FHOD3: variants seen among roughly 807,000 people sequenced by gnomAD.
FHOD3 encodes formin homology 2 domain containing 3, also known as FH1/FH2 domain-containing protein 3.
FHOD3 carries 90 observed loss-of-function variants against 173.0 expected under a neutral mutation model. The observed-to-expected ratio is 0.52, with a 90% CI of 0.44 to 0.62. The LOEUF is 0.62. FHOD3 is among the 20% of genes least tolerant of loss of function. The probability of loss-of-function intolerance (pLI) is 0.00; values close to 1 mark genes in which losing one functional copy is unlikely to be tolerated. For missense variants in FHOD3, 1,945 were observed against 2,034.7 expected, an observed-to-expected ratio of 0.96 and a Z score of 0.85; for synonymous variants, 828 against 823.0, an observed-to-expected ratio of 1.01 and a Z score of -0.10.
At chr18:36,533,256 A>G (rs2056860719) in intron 5 of FHOD3, among the ~76,000 whole-genome samples, 2 of 152,226 alleles carry the variant, frequency 1.3e-5, no homozygotes, top group Non-Finnish European at 2.9e-5. Context: ...AGTTTGGTGT[A>G]GTGTTAAATA....
chr18:36,576,145 T>G (rs1213399671), intron 5 of FHOD3, among the ~76,000 whole-genome samples: 1 of 152,226 alleles, frequency 6.6e-6, no homozygotes, highest in African/African-American at 2.4e-5. Flanking sequence ...TGTCTGGGAC[T>G]ACACACAGAT....
intron 10 of FHOD3, among the ~76,000 whole-genome samples, chr18:36,644,874 C>T (rs1357889032): frequency 6.6e-6 from 1 of 152,198 alleles, no homozygotes; most frequent in Non-Finnish European, 1.5e-5. Flanking sequence ...ACCTCTCCAG[C>T]TCTACCTGGG....
At chr18:36,724,554 T>G (rs567592461) in intron 19 of FHOD3, among the ~76,000 whole-genome samples, 7 of 152,300 alleles carry the variant, frequency 4.6e-5, no homozygotes, top group Admixed American at 6.5e-5. Flanking sequence ...CTCACCTGCA[T>G]CTTCCTAGAA....
intron 3 of FHOD3, among the ~76,000 whole-genome samples, chr18:36,500,980 G>A (rs577330815): frequency 3.9e-4 from 60 of 152,252 alleles, no homozygotes; most frequent in African/African-American, 8.7e-4. Context: ...GACTCCCTCC[G>A]GTGTGTCTTC....
At chr18:36,724,131 C>G (rs532883227) in intron 19 of FHOD3, among the ~76,000 whole-genome samples, 1 of 152,212 alleles carries the variant, frequency 6.6e-6, no homozygotes, top group African/African-American at 2.4e-5. Context: ...TTGTTCTATC[C>G]GAAAGCCTGA....
chr18:36,594,632 C>T (rs1215379469), intron 6 of FHOD3, among the ~76,000 whole-genome samples, 155 bp from the exon 7 acceptor site: 1 of 152,030 alleles, frequency 6.6e-6, no homozygotes, highest in Non-Finnish European at 1.5e-5. Context: ...TCTGAGGTGT[C>T]TAATGAGGGA....
chr18:36,693,898 G>A (rs746899113), intron 17 of FHOD3, among the ~76,000 whole-genome samples: 3 of 152,102 alleles, frequency 2.0e-5, no homozygotes, highest in Admixed American at 6.6e-5. Flanking sequence ...TATGGAAGAA[G>A]GAAAATAATT....
rs1202323755 is a variant in FHOD3, at chr18:36,744,014, T to C, written c.3880-18T>C. The C allele has an allele frequency of 2.5e-6, 4 of 1,613,808 alleles. No homozygotes were observed. Among genetic ancestry groups the C allele is most frequent in the Non-Finnish European group, 3.4e-6 (4 of 1,179,932 alleles). Reference sequence around the variant, plus strand: ...GAGCCTGCTTGAAACATGTCTTTTATTGATGTTTGCAAAACAGGCCAAAGC... The same window carrying C: ...GAGCCTGCTTGAAACATGTCTTTTACTGATGTTTGCAAAACAGGCCAAAGC... On this transcript the variant is annotated intron_variant, in intron 22 of 28. Coordinates refer to ENST00000590592, the MANE Select transcript of FHOD3 (RefSeq NM_001281740.3).
At chr18:36,486,248 A>G (rs1272064990) in intron 3 of FHOD3, among the ~76,000 whole-genome samples, 3 of 152,118 alleles carry the variant, frequency 2.0e-5, no homozygotes, top group African/African-American at 7.2e-5. Context: ...GTCACAACAT[A>G]TGGGGGCTAC....
intron 14 of FHOD3, among the ~76,000 whole-genome samples, chr18:36,664,602 G>C (rs1174852981): frequency 6.6e-6 from 1 of 152,062 alleles, no homozygotes; most frequent in East Asian, 1.9e-4. Context: ...GTGGGACTGT[G>C]GGTCCTCAGC....
chr18:36,685,314 C>T (rs554712205), intron 15 of FHOD3, among the ~76,000 whole-genome samples: 1 of 152,212 alleles, frequency 6.6e-6, no homozygotes, highest in Non-Finnish European at 1.5e-5. Flanking sequence ...TGCTAATCAA[C>T]CGTAGGCAAC....
intron 1 of FHOD3, among the ~76,000 whole-genome samples, chr18:36,341,104 A>C (rs1367379584): frequency 6.6e-6 from 1 of 152,176 alleles, no homozygotes; most frequent in East Asian, 1.9e-4. Context: ...ATCTTAGGCA[A>C]GTTATTTGGC....
At chr18:36,454,133 G>A (rs2052025391) in intron 3 of FHOD3, among the ~76,000 whole-genome samples, 1 of 152,122 alleles carries the variant, frequency 6.6e-6, no homozygotes, top group Non-Finnish European at 1.5e-5. Flanking sequence ...TAAGCAGGCA[G>A]CTCTCACCTT....
At chr18:36,729,724 C>T (rs1418797681) in intron 19 of FHOD3, among the ~76,000 whole-genome samples, 4 of 152,214 alleles carry the variant, frequency 2.6e-5, no homozygotes, top group Non-Finnish European at 1.5e-5. Flanking sequence ...TCTCTAAAGG[C>T]CCTACCTCCA....
Position 36,762,846 on chromosome 18 carries a change from AATC to A in FHOD3, c.4624+2067_4624+2069del, listed in dbSNP as rs1417387995. Among the ~76,000 whole-genome samples the A allele has an allele frequency of 1.8e-4, 27 of 148,064 alleles. No individual in the cohort carries two copies. In the South Asian group the frequency reaches 4.8e-3, roughly 26 times the overall value. The stretch of plus-strand genomic sequence containing the variant: ...TATTTTATATATATTATAAATATAT[AATC>A]ATATATATTATATACATAATATATA... On this transcript the variant is annotated intron_variant, in intron 27 of 28. Coordinates refer to ENST00000590592, the MANE Select transcript of FHOD3 (RefSeq NM_001281740.3).
At chr18:36,317,485 G>C (rs924209065) in intron 1 of FHOD3, among the ~76,000 whole-genome samples, 1 of 152,188 alleles carries the variant, frequency 6.6e-6, no homozygotes, top group Non-Finnish European at 1.5e-5. Context: ...GTGATGATGA[G>C]CATTTTTTCA....
At chr18:36,351,340 T>C (rs768569572) in intron 1 of FHOD3, among the ~76,000 whole-genome samples, 1 of 152,294 alleles carries the variant, frequency 6.6e-6, no homozygotes, top group African/African-American at 2.4e-5. Context: ...TAGGAGGTAA[T>C]GGCAGCCTCT....
chr18:36,303,484 A>T (rs1940768714), intron 1 of FHOD3, among the ~76,000 whole-genome samples: 2 of 151,672 alleles, frequency 1.3e-5, no homozygotes, highest in African/African-American at 2.4e-5. Flanking sequence ...TTGTCCTCGG[A>T]CTCCAACCTG....
intron 6 of FHOD3, among the ~76,000 whole-genome samples, chr18:36,582,790 A>ATATT (rs1421770467): frequency 6.6e-6 from 1 of 152,236 alleles, no homozygotes; most frequent in Non-Finnish European, 1.5e-5. Flanking sequence ...CACCTCTGAT[A>ATATT]TATTACATCT....
Sources: gnomAD v4.1 joint callset for allele counts (sites outside exome capture counted in the v4.1 genomes callset) on GRCh38, gnomAD v4.1.1 for gene constraint, MANE v1.5 for transcripts, NCBI Gene and HGNC (gene_info 2026-07-23, HGNC 2026-07-21) for gene names.